CNBD1: variants seen among roughly 807,000 people sequenced by gnomAD.
The protein encoded by CNBD1 is cyclic nucleotide binding domain containing 1.
CNBD1 carries 71 observed loss-of-function variants against 54.4 expected under a neutral mutation model. The observed-to-expected ratio is 1.30, with a 90% CI of 1.08 to 1.59. The LOEUF is 1.59. Among genes scored for constraint, CNBD1 ranks in the 40% most tolerant of loss-of-function variants. CNBD1 has a pLI of 0.00. For synonymous variants in CNBD1, 182 were observed against 170.7 expected, an observed-to-expected ratio of 1.07 and a Z score of -0.51; for missense variants, 659 against 518.0, an observed-to-expected ratio of 1.27 and a Z score of -2.64.
At chr8:86,980,499 A>G (rs1027849459) in intron 4 of CNBD1, among the ~76,000 whole-genome samples, 5 of 152,214 alleles carry the variant, frequency 3.3e-5, no homozygotes, top group African/African-American at 1.2e-4. Context: ...TACAAAATTC[A>G]CCAACTCAGG....
At chr8:86,885,386 A>C (rs1366628182) in intron 1 of CNBD1, among the ~76,000 whole-genome samples, 1 of 152,174 alleles carries the variant, frequency 6.6e-6, no homozygotes, top group African/African-American at 2.4e-5. Context: ...TTAATTTTCT[A>C]ACCCCTTTCC....
chr8:86,879,131 A>G (rs1010697555), intron 1 of CNBD1, among the ~76,000 whole-genome samples: 3 of 151,876 alleles, frequency 2.0e-5, no homozygotes, highest in Non-Finnish European at 4.4e-5. Flanking sequence ...TTTTTTCTTG[A>G]TTTGATTTTC....
chr8:87,081,209 T>G (rs1034608586), intron 4 of CNBD1, among the ~76,000 whole-genome samples: 1 of 152,152 alleles, frequency 6.6e-6, no homozygotes, highest in Non-Finnish European at 1.5e-5. Context: ...TGTTATCATT[T>G]TCATTTTTTC....
chr8:87,074,116 AGG>A (rs1810816221), intron 4 of CNBD1, among the ~76,000 whole-genome samples: 2 of 148,302 alleles, frequency 1.3e-5, no homozygotes, highest in African/African-American at 5.0e-5. Flanking sequence ...AAAAAAAAAA[AGG>A]CAGCAGTCTG....
intron 4 of CNBD1, among the ~76,000 whole-genome samples, chr8:87,158,583 A>T (rs1812792116): frequency 1.3e-5 from 2 of 152,108 alleles, no homozygotes; most frequent in African/African-American, 4.8e-5. Flanking sequence ...AAATGTGAAG[A>T]TCAACATAAT....
intron 4 of CNBD1, among the ~76,000 whole-genome samples, chr8:86,941,917 A>T (rs1471530037): frequency 6.6e-6 from 1 of 152,150 alleles, no homozygotes; most frequent in Non-Finnish European, 1.5e-5. Flanking sequence ...GAGAAAATGG[A>T]TGAGTAGAGA....
downstream of CNBD1, chr8:87,382,860 C>T (rs898936583): frequency 5.1e-6 from 2 of 394,326 alleles, no homozygotes; most frequent in Non-Finnish European, 9.1e-6. Flanking sequence ...GCTTGATTTA[C>T]CTCTGTTGAT....
At chr8:87,229,591 T>A (rs776611034) in intron 5 of CNBD1, among the ~76,000 whole-genome samples, 14 of 152,188 alleles carry the variant, frequency 9.2e-5, no homozygotes, top group Non-Finnish European at 1.6e-4. Flanking sequence ...CTCTTTGAAT[T>A]CTATTTTGAG....
intron 6 of CNBD1, among the ~76,000 whole-genome samples, chr8:87,247,588 A>G (rs2130835839): frequency 6.6e-6 from 1 of 151,824 alleles, no homozygotes; most frequent in Middle Eastern, 3.4e-3. Context: ...TTTGCGATCC[A>G]TTCTGCGTCA....
chr8:87,141,675 G>A (rs1812373252), intron 4 of CNBD1, among the ~76,000 whole-genome samples: 1 of 151,892 alleles, frequency 6.6e-6, no homozygotes, highest in African/African-American at 2.4e-5. Flanking sequence ...TAAAAGATTT[G>A]TAATAATATT....
intron 4 of CNBD1, among the ~76,000 whole-genome samples, chr8:87,165,312 A>G (rs1812939268): frequency 2.6e-5 from 4 of 151,722 alleles, no homozygotes; most frequent in Non-Finnish European, 5.9e-5. Context: ...TTCTTTATTG[A>G]TTTTCTGCCT....
intron 4 of CNBD1, among the ~76,000 whole-genome samples, chr8:87,062,272 G>GA (rs1467266423): frequency 6.6e-6 from 1 of 151,968 alleles, no homozygotes; most frequent in Non-Finnish European, 1.5e-5. Context: ...TTTTAGGCTT[G>GA]AAAAAACAAA....
chr8:87,171,330 C>T (rs910940326), intron 4 of CNBD1, among the ~76,000 whole-genome samples: 1 of 151,996 alleles, frequency 6.6e-6, no homozygotes, highest in Non-Finnish European at 1.5e-5. Flanking sequence ...AGAGTAGCCA[C>T]TACTGATGCT....
At position 87,187,470 on chromosome 8, in the gene CNBD1, C is replaced by CTTT. The variant is rs5893014; in HGVS notation, c.432-18512_432-18510dup. The stretch of plus-strand genomic sequence containing the variant: ...AATAATATATTTCATATATCCTTCT[C>CTTT]TTTTTTTTTTTTTGGCTAGCATTTT... On this transcript the variant is annotated intron_variant, in intron 4 of 10. Coordinates refer to ENST00000518476, the MANE Select transcript of CNBD1 (RefSeq NM_173538.3). Among the ~76,000 whole-genome samples, 714 of 141,860 alleles carry CTTT rather than the reference C, an allele frequency of 5.0e-3. 18 individuals carry two copies. Among genetic ancestry groups the CTTT allele is most frequent in the African/African-American group, 0.017 (658 of 38,708 alleles). 93.1% of individuals were successfully genotyped at this position (141,860 alleles called of 152,430 possible). A position where few individuals can be genotyped will look rare whatever the true frequency, so the allele number is the denominator to read the frequency against.
intron 10 of CNBD1, among the ~76,000 whole-genome samples, chr8:87,372,952 TC>T (rs1443700318): frequency 6.6e-6 from 1 of 151,840 alleles, no homozygotes; most frequent in Non-Finnish European, 1.5e-5. Context: ...GTGATTTTTT[TC>T]TTCCTGTTTC....
chr8:87,131,828 A>C (rs553431385), intron 4 of CNBD1, among the ~76,000 whole-genome samples: 1 of 152,138 alleles, frequency 6.6e-6, no homozygotes, highest in African/African-American at 2.4e-5. Context: ...TATTTTCTCT[A>C]TAAGACCTGA....
At chr8:86,974,310 T>G in intron 4 of CNBD1, among the ~76,000 whole-genome samples, 1 of 152,112 alleles carries the variant, frequency 6.6e-6, no homozygotes, top group East Asian at 1.9e-4. Flanking sequence ...TTTGGGAGTA[T>G]AAATCCATAC....
intron 4 of CNBD1, among the ~76,000 whole-genome samples, chr8:87,041,559 G>C (rs899965453): frequency 6.6e-6 from 1 of 152,172 alleles, no homozygotes; most frequent in African/African-American, 2.4e-5. Flanking sequence ...AGCACTTTGG[G>C]AAGCCAAGGC....
intron 4 of CNBD1, among the ~76,000 whole-genome samples, chr8:86,991,763 G>C (rs764001025): frequency 4.6e-5 from 7 of 151,958 alleles, no homozygotes; most frequent in Non-Finnish European, 1.0e-4. Flanking sequence ...CCTTAATTTT[G>C]TTGTTCAGCC....
Sources: gnomAD v4.1 joint callset for allele counts (sites outside exome capture counted in the v4.1 genomes callset) on GRCh38, gnomAD v4.1.1 for gene constraint, MANE v1.5 for transcripts, NCBI Gene and HGNC (gene_info 2026-07-23, HGNC 2026-07-21) for gene names.